NFATC2: variants seen among roughly 807,000 people sequenced by gnomAD.
NFATC2 encodes nuclear factor of activated T cells 2.
A neutral mutation model predicts 87.3 loss-of-function variants in NFATC2; 22 were observed. The ratio of observed to expected loss-of-function variants is 0.25; its 90% CI spans 0.18 to 0.36. The LOEUF (loss-of-function observed/expected upper bound fraction) is 0.36, where lower values mean the gene tolerates loss of function less well. Among genes scored for constraint, NFATC2 ranks in the 10% least tolerant of loss-of-function variants. The probability of loss-of-function intolerance (pLI) is 1.00; values close to 1 mark genes in which losing one functional copy is unlikely to be tolerated. For missense variants in NFATC2, 1,149 were observed against 1,259.1 expected (o/e 0.91, Z 1.32); for synonymous variants, 565 against 542.2 (o/e 1.04, Z -0.58).
At chr20:51,561,643 T>C (rs548853861) in intron 1 of NFATC2, among the ~76,000 whole-genome samples, 5 of 148,272 alleles carry the variant, frequency 3.4e-5, no homozygotes, top group African/African-American at 1.3e-4. Flanking sequence ...TCTGATTTTA[T>C]GACAGGAGGC....
At chr20:51,560,414 C>CT (rs5841849) in intron 1 of NFATC2, among the ~76,000 whole-genome samples, 114,410 of 152,072 alleles carry the variant, frequency 0.75, 43,632 homozygotes, top group Middle Eastern at 0.85. Flanking sequence ...CATCATCTCA[C>CT]TCAGATAAAA....
chr20:51,393,181 C>T (rs1201399917), intron 10 of NFATC2, among the ~76,000 whole-genome samples: 2 of 152,222 alleles, frequency 1.3e-5, no homozygotes, highest in Non-Finnish European at 2.9e-5. Flanking sequence ...CAAGCATGTA[C>T]ATGAGAGGTC....
At chr20:51,503,852 C>A (rs925643367) in intron 3 of NFATC2, among the ~76,000 whole-genome samples, 1 of 152,168 alleles carries the variant, frequency 6.6e-6, no homozygotes, top group Non-Finnish European at 1.5e-5. Context: ...GATTTATTTC[C>A]TGAATGTTTG....
intron 5 of NFATC2, among the ~76,000 whole-genome samples, chr20:51,460,146 T>C (rs1247980780): frequency 1.3e-5 from 2 of 152,250 alleles, no homozygotes; most frequent in African/African-American, 4.8e-5. Flanking sequence ...TTTTTCTTGC[T>C]AAGTTATTTT....
intron 1 of NFATC2, among the ~76,000 whole-genome samples, chr20:51,527,111 GGCTAGT>G (rs999387526): frequency 5.9e-5 from 9 of 151,624 alleles, no homozygotes; most frequent in African/African-American, 1.9e-4. Flanking sequence ...ATGTTGCCCA[GGCTAGT>G]CTCCAACTCC....
intron 9 of NFATC2, among the ~76,000 whole-genome samples, chr20:51,430,468 C>A (rs1364518620): frequency 6.6e-6 from 1 of 152,212 alleles, no homozygotes; most frequent in Non-Finnish European, 1.5e-5. Context: ...AAACAGAGCA[C>A]CATGACTTTA....
chr20:51,484,631 G>A (rs1349097369), intron 3 of NFATC2, among the ~76,000 whole-genome samples: 1 of 152,224 alleles, frequency 6.6e-6, no homozygotes, highest in East Asian at 1.9e-4. Context: ...ACAAAGAGCT[G>A]TTATACGCCC....
chr20:51,485,652 T>C (rs1345518667), intron 3 of NFATC2, among the ~76,000 whole-genome samples: 1 of 152,036 alleles, frequency 6.6e-6, no homozygotes, highest in Non-Finnish European at 1.5e-5. Flanking sequence ...ACCATCTAGG[T>C]TTACATCCTG....
intron 3 of NFATC2, among the ~76,000 whole-genome samples, chr20:51,487,051 C>G (rs150977806): frequency 6.6e-6 from 1 of 152,180 alleles, no homozygotes; most frequent in Non-Finnish European, 1.5e-5. Context: ...AGTGTTTACC[C>G]GAAGACCAGA....
intron 1 of NFATC2, among the ~76,000 whole-genome samples, chr20:51,541,831 C>A (rs1206631385): frequency 6.6e-6 from 1 of 152,196 alleles, no homozygotes; most frequent in East Asian, 1.9e-4. Flanking sequence ...ACAAAGTCCC[C>A]GTCAACCACT....
upstream of NFATC2, among the ~76,000 whole-genome samples, chr20:51,545,796 A>G (rs1235940575): frequency 6.6e-6 from 1 of 150,994 alleles, no homozygotes; most frequent in Non-Finnish European, 1.5e-5. Flanking sequence ...ATGGAGGATA[A>G]ATGGATAAAT....
intron 1 of NFATC2, among the ~76,000 whole-genome samples, chr20:51,540,647 G>GTTTTGTTTTTTTTTTTT (rs2076793173): frequency 2.7e-5 from 3 of 112,980 alleles, no homozygotes; most frequent in East Asian, 5.0e-4. Flanking sequence ...AAAAACTGAA[G>GTTTTGTTTTTTTTTTTT]TTTTTTTTTT....
intron 3 of NFATC2, among the ~76,000 whole-genome samples, chr20:51,481,903 T>C (rs1248078341): frequency 1.3e-5 from 2 of 152,194 alleles, no homozygotes; most frequent in East Asian, 3.8e-4. Context: ...TTGGGATCGC[T>C]TGCAAACATA....
intron 1 of NFATC2, among the ~76,000 whole-genome samples, chr20:51,541,427 G>C (rs1297218383): frequency 6.6e-6 from 1 of 152,140 alleles, no homozygotes; most frequent in African/African-American, 2.4e-5. Context: ...GTGAGGTTGG[G>C]CGTGTGGCCG....
At chr20:51,453,273 G>C (rs918348030) in intron 6 of NFATC2, among the ~76,000 whole-genome samples, 2 of 152,212 alleles carry the variant, frequency 1.3e-5, no homozygotes, top group South Asian at 4.1e-4. Context: ...AAGACAGTCT[G>C]CTTCCCCCTG....
At chr20:51,454,771 T>G (rs1986219331) in intron 5 of NFATC2, 83 bp from the exon 6 acceptor site, 1 of 1,486,800 alleles carries the variant, frequency 6.7e-7, no homozygotes, top group African/African-American at 1.4e-5. Flanking sequence ...GGTACTGAGA[T>G]ATGACATGCT....
intron 3 of NFATC2, among the ~76,000 whole-genome samples, chr20:51,503,549 C>T (rs1315538733): frequency 6.6e-6 from 1 of 152,198 alleles, no homozygotes; most frequent in Non-Finnish European, 1.5e-5. Context: ...CATCGGAGGG[C>T]CCAGGCTCAG....
intron 1 of NFATC2, among the ~76,000 whole-genome samples, chr20:51,551,636 C>T (rs1375391387): frequency 6.6e-6 from 1 of 150,726 alleles, no homozygotes; most frequent in African/African-American, 2.4e-5. Flanking sequence ...TCTCGAACTC[C>T]TGGGCTCAAG....
Position 51,459,421 on chromosome 20 carries a change from C to T in NFATC2, c.1709-4733G>A, listed in dbSNP as rs73910855. On this transcript the variant is annotated intron_variant, in intron 5 of 10. Transcript: ENST00000371564. ...GGAAATTGGGCAGTGCCTGCTAATA[C>T]GTGAGGCGTTTCTTTTTCTGGTGAT... Among the ~76,000 whole-genome samples the T allele has an allele frequency of 7.5e-3, 1,143 of 152,168 alleles. 11 individuals are homozygous for T. The highest frequency in any genetic ancestry group is 0.026 in the African/African-American group (1,092 of 41,490).
Sources: allele counts gnomAD v4.1 joint callset (sites outside exome capture counted in the v4.1 genomes callset), GRCh38; gene constraint gnomAD v4.1.1; transcripts MANE v1.5; gene names NCBI Gene and HGNC (gene_info 2026-07-23, HGNC 2026-07-21).